APPL1: variants seen among roughly 807,000 people sequenced by gnomAD.
APPL1 encodes the protein DCC-interacting protein 13-alpha.
A neutral mutation model predicts 106.8 loss-of-function variants in APPL1; 42 were observed. The ratio of observed to expected loss-of-function variants is 0.39; its 90% confidence interval spans 0.31 to 0.51. The LOEUF (loss-of-function observed/expected upper bound fraction) is 0.51, where lower values mean the gene tolerates loss of function less well. Ranked by LOEUF, APPL1 falls within the 20% of genes least tolerant of loss-of-function variation. APPL1 has a pLI of 0.75. For missense variants in APPL1, 769 were observed against 858.2 expected (o/e 0.90, Z 1.30); for synonymous variants, 263 against 281.8 (o/e 0.93, Z 0.67).
chr3:57,248,349 G>A lies in APPL1; in HGVS notation c.861G>A (p.Arg287=), dbSNP rs1258175492. Reference sequence around the variant, plus strand: ...GAAAGGCTGGATACCTTAATGCTAGGAAGTAAGAAAACTATTGTTATTTTT... The same window carrying A: ...GAAAGGCTGGATACCTTAATGCTAGAAAGTAAGAAAACTATTGTTATTTTT... ...LTRKAGYLNA[R]NKTGLVSSTW... The change falls in exon 10 of 22, where the codon AGG becomes AGA. Residue 287 remains arginine (R), a splice_region_variant and synonymous_variant. Coordinates refer to ENST00000288266, the MANE Select transcript of APPL1 (RefSeq NM_012096.3). 3.7e-6 allele frequency: 6 copies of A among 1,613,218 alleles called. No homozygotes were observed. Among genetic ancestry groups the A allele is most frequent in the Non-Finnish European group, 4.2e-6 (5 of 1,179,712 alleles).
chr3:57,235,016 A>G (rs914484091), intron 1 of APPL1, among the ~76,000 whole-genome samples: 1 of 152,218 alleles, frequency 6.6e-6, no homozygotes, highest in Non-Finnish European at 1.5e-5. Context: ...ACAAAAGCCA[A>G]ACAATATAGA....
chr3:57,259,033 C>G lies in APPL1; in HGVS notation c.1436C>G (p.Thr479Arg), dbSNP rs779598236. 3.1e-6 allele frequency: 5 copies of G among 1,611,872 alleles called. No individual in the cohort carries two copies. Among genetic ancestry groups the G allele is most frequent in the South Asian group, 1.1e-5 (1 of 90,754 alleles). ...TTTTCTTCTAAACTTTTTAGGCGTACAAATCCATTTGGAGAATCTGGAGGA... is the reference window on the plus strand; with the variant it reads ...TTTTCTTCTAAACTTTTTAGGCGTAGAAATCCATTTGGAGAATCTGGAGGA... ...AKAFGQGGRRTNPFGESGGST... is the reference protein window; with the variant it reads ...AKAFGQGGRRRNPFGESGGST... Residue 479 changes from threonine to arginine, a missense_variant, in exon 16 of 22, where the codon ACA becomes AGA. Thr to Arg is a moderately conservative substitution (Grantham distance 71, BLOSUM62 -1). Transcript: ENST00000288266.
intron 1 of APPL1, among the ~76,000 whole-genome samples, chr3:57,234,319 A>T (rs2060704557): frequency 8.1e-6 from 1 of 123,032 alleles, no homozygotes; most frequent in African/African-American, 3.5e-5. Context: ...TTTTTTTGAG[A>T]CGGAGTCTCC....
chr3:57,253,863 T>C, intron 13 of APPL1, 125 bp downstream of exon 13: 1 of 163,150 alleles, frequency 6.1e-6, no homozygotes, highest in Non-Finnish European at 1.2e-5. Flanking sequence ...AATGAGTAGC[T>C]TTTTTTTTTT....
At chr3:57,250,501 A>G (rs2060797590) in intron 11 of APPL1, among the ~76,000 whole-genome samples, 1 of 152,238 alleles carries the variant, frequency 6.6e-6, no homozygotes, top group South Asian at 2.1e-4. Context: ...ATTTTCAAAA[A>G]GCATGGAAAA....
At position 57,241,155 on chromosome 3, in the gene APPL1, A is replaced by G. The variant is rs551386610; in HGVS notation, c.373+603A>G. Among the ~76,000 whole-genome samples, 4 of 152,324 alleles carry G rather than the reference A, an allele frequency of 2.6e-5. No individual in the cohort carries two copies. In the South Asian group the frequency reaches 8.3e-4, roughly 32 times the overall value. ...ATGGGGGTCTTTAAGGAGAGACACAATTCCTTTGGAGGATGGAATAGAGTA... is the reference window on the plus strand; with the variant it reads ...ATGGGGGTCTTTAAGGAGAGACACAGTTCCTTTGGAGGATGGAATAGAGTA... On this transcript the variant is annotated intron_variant, in intron 5 of 21. Transcript: ENST00000288266.
chr3:57,265,322 G>A (rs1010159263), intron 19 of APPL1, among the ~76,000 whole-genome samples: 1 of 151,656 alleles, frequency 6.6e-6, no homozygotes, highest in Non-Finnish European at 1.5e-5. Context: ...GCTAATTTTT[G>A]TATTTTTAGT....
chr3:57,253,429 TTAAA>T (rs1025213879), intron 12 of APPL1, among the ~76,000 whole-genome samples: 1 of 151,948 alleles, frequency 6.6e-6, no homozygotes, highest in African/African-American at 2.4e-5. Context: ...TTTCATATAT[TTAAA>T]TAATAAAAAT....
intron 9 of APPL1, among the ~76,000 whole-genome samples, chr3:57,247,766 A>G (rs2060782750): frequency 6.6e-6 from 1 of 152,206 alleles, no homozygotes; most frequent in African/African-American, 2.4e-5. Flanking sequence ...AATTATCTTT[A>G]AACTTGAAAT....
At position 57,269,607 on chromosome 3, in the gene APPL1, C is replaced by A; in HGVS notation, c.2050C>A (p.Gln684Lys). 1 of 1,613,962 alleles carries A rather than the reference C, an allele frequency of 6.2e-7. No individual in the cohort carries two copies. The highest frequency in any genetic ancestry group is 8.5e-7 in the Non-Finnish European group (1 of 1,179,972). The change falls in exon 22 of 22, where the codon CAG (glutamine) becomes AAG (lysine). Residue 684 changes from glutamine to lysine, a missense_variant. Physicochemically the swap from Gln to Lys is moderately conservative, Grantham distance 53. Transcript: ENST00000288266. ...ACCAAACCAAGCCAGTAGTGAGGGG[C>A]AGTTTGTTGTCCTTAGCAGTAGCCA... ...SRPNQASSEG[Q>K]FVVLSSSQSE...
At chr3:57,250,146 G>C (rs1291871111) in intron 11 of APPL1, among the ~76,000 whole-genome samples, 2 of 151,996 alleles carry the variant, frequency 1.3e-5, no homozygotes, top group Non-Finnish European at 2.9e-5. Context: ...AAAAATTTCT[G>C]TTACCTTTTT....
In APPL1 at chr3:57,230,853, A is replaced by T. The variant is rs139749529; in HGVS notation, c.54+2916A>T. ...GGCACAGCCATAGCTCTGAAACCTC[A>T]AACTCCTGGGCACACGCCACCAAGC... On this transcript the variant is annotated intron_variant, in intron 1 of 21. Coordinates refer to ENST00000288266, the MANE Select transcript of APPL1 (RefSeq NM_012096.3). The T allele has an allele frequency of 1.8e-4, 74 of 408,832 alleles. No homozygotes were observed. In the East Asian group the frequency reaches 5.2e-3, roughly 29 times the overall value. 25.3% of individuals were successfully genotyped at this position (408,832 alleles called of 1,614,324 possible).
intron 19 of APPL1, among the ~76,000 whole-genome samples, chr3:57,262,494 G>A (rs2060872180): frequency 1.4e-5 from 1 of 73,706 alleles, no homozygotes; most frequent in Non-Finnish European, 2.4e-5. Context: ...CTGGATTAAA[G>A]TGATTTTCCT....
intron 13 of APPL1, among the ~76,000 whole-genome samples, 153 bp downstream of exon 13, chr3:57,253,891 C>T (rs866627568): frequency 2.2e-5 from 3 of 134,466 alleles, no homozygotes; most frequent in Admixed American, 8.2e-5. Flanking sequence ...GAGACAGAGT[C>T]TCGCCCCATT....
In APPL1 at chr3:57,228,241, G is replaced by T. The variant is rs1015803510; in HGVS notation, c.54+304G>T. ...TTTGACGAAAGGCGCCGTTTTTATC[G>T]CGGTGATGTGAGGTGCCAAATCTCG... On this transcript the variant is annotated intron_variant, in intron 1 of 21. Transcript: ENST00000288266. This position sits in a 1 kb window ranked among gnomAD's most constrained non-coding sequence, Gnocchi z 4.6. Among the ~76,000 whole-genome samples, 3 of 152,214 alleles carry T rather than the reference G, an allele frequency of 2.0e-5. No homozygotes were observed. Among genetic ancestry groups the T allele is most frequent in the Admixed American group, 1.3e-4 (2 of 15,290 alleles).
chr3:57,233,503 A>G (rs1048789399), intron 1 of APPL1, among the ~76,000 whole-genome samples: 2 of 151,972 alleles, frequency 1.3e-5, no homozygotes, highest in Non-Finnish European at 2.9e-5. Flanking sequence ...AAAAAACAAA[A>G]CAGAAACGAA....
chr3:57,247,040 G>T (rs1180091818), intron 8 of APPL1, among the ~76,000 whole-genome samples: 1 of 151,140 alleles, frequency 6.6e-6, no homozygotes, highest in Non-Finnish European at 1.5e-5. Context: ...GTACTTTACT[G>T]ATTATTCCTC....
In APPL1 at chr3:57,238,361, T is replaced by C. The variant is rs1440415347; in HGVS notation, c.285+245T>C. On this transcript the variant is annotated intron_variant, in intron 4 of 21. Coordinates refer to ENST00000288266, the MANE Select transcript of APPL1 (RefSeq NM_012096.3). ...TCCGTGCTAACATTCAGTCTTGACA[T>C]GTGTCATTTGATGTAGGCAGGGAGA... Among the ~76,000 whole-genome samples the C allele has an allele frequency of 2.0e-5, 3 of 151,990 alleles. No homozygotes were observed. The East Asian group carries it at 5.8e-4, about 29-fold the overall frequency.
Position 57,227,844 on chromosome 3 carries a change from C to G in APPL1, c.-40C>G. On this transcript the variant is annotated 5_prime_UTR_variant, in exon 1 of 22. Coordinates refer to ENST00000288266, the MANE Select transcript of APPL1 (RefSeq NM_012096.3). The stretch of plus-strand genomic sequence containing the variant: ...GCGGGCCGGCGCGGGGAGCTGTGGG[C>G]GGCAGCTGCGTCTCCTGCCACCGCC... 2.1e-6 allele frequency: 3 copies of G among 1,439,662 alleles called. No homozygotes were observed. The highest frequency in any genetic ancestry group is 2.7e-5 in the South Asian group (2 of 75,164). 89.2% of individuals were successfully genotyped at this position (1,439,662 alleles called of 1,614,324 possible). A position where few individuals can be genotyped will look rare whatever the true frequency, so the allele number is the denominator to read the frequency against.
Sources: gnomAD v4.1 joint callset for allele counts (sites outside exome capture counted in the v4.1 genomes callset) on GRCh38, gnomAD v4.1.1 for gene constraint, Gnocchi (gnomAD v3.1) non-coding constraint, MANE v1.5 for transcripts, NCBI Gene and HGNC (gene_info 2026-07-23, HGNC 2026-07-21) for gene names.